Variants in CFTR observed in about 807,000 individuals in gnomAD.
The protein encoded by CFTR is CF transmembrane conductance regulator.
In CFTR, 181 loss-of-function variants were observed where a neutral mutation model predicts 171.6. The ratio of observed to expected loss-of-function variants is 1.05; its 90% confidence interval spans 0.93 to 1.19. CFTR has a LOEUF of 1.19. Ranked by LOEUF, CFTR falls within the 50% of genes most tolerant of loss-of-function variation. The probability of loss-of-function intolerance (pLI) is 0.00; values close to 1 mark genes in which losing one functional copy is unlikely to be tolerated. For synonymous variants in CFTR, 583 were observed against 608.0 expected (o/e 0.96, Z 0.60); for missense variants, 1,968 against 1,734.7 (o/e 1.13, Z -2.39).
rs182395005 is a variant in CFTR, at chr7:117,665,263, G to A, written c.4137-196G>A. 1.7e-4 allele frequency among the ~76,000 whole-genome samples: 26 copies of A among 152,250 alleles called. No homozygotes were observed. The East Asian group carries it at 4.8e-3, about 28-fold the overall frequency. Reference sequence around the variant, plus strand: ...AAAGTTTCTTTGAAATATTTGTCCTGTTTATTTATGGATACTTAGAGTCTA... The same window carrying A: ...AAAGTTTCTTTGAAATATTTGTCCTATTTATTTATGGATACTTAGAGTCTA... On this transcript the variant is annotated intron_variant, in intron 25 of 26. Transcript: ENST00000003084.
chr7:117,645,281 T>C (rs2116177106), intron 23 of CFTR, among the ~76,000 whole-genome samples: 1 of 152,342 alleles, frequency 6.6e-6, no homozygotes, highest in African/African-American at 2.4e-5. Context: ...TGATAACTTC[T>C]GTGGTTACAT....
At position 117,503,303 on chromosome 7, in the gene CFTR, A is replaced by G. The variant is rs1185161627; in HGVS notation, c.54-950A>G. On this transcript the variant is annotated intron_variant, in intron 1 of 26. Coordinates refer to ENST00000003084, the MANE Select transcript of CFTR (RefSeq NM_000492.4). The stretch of plus-strand genomic sequence containing the variant: ...GAGAAAAGAAAGATGCTGAGGGAAA[A>G]AGCATAGGTTTGGGACTCACTAAAT... Among the ~76,000 whole-genome samples, 3 of 152,196 alleles carry G rather than the reference A, an allele frequency of 2.0e-5. No homozygotes were observed. In the East Asian group the frequency reaches 5.8e-4, roughly 29 times the overall value.
chr7:117,653,871 A>G (rs1313686096), intron 24 of CFTR, among the ~76,000 whole-genome samples: 4 of 152,210 alleles, frequency 2.6e-5, no homozygotes, highest in Non-Finnish European at 5.9e-5. Context: ...CTCTCCAACT[A>G]TGAAATTGTG....
Position 117,665,433 on chromosome 7 carries a change from T to C in CFTR, c.4137-26T>C. 4 of 1,234,678 alleles carry C rather than the reference T, an allele frequency of 3.2e-6. No individual in the cohort carries two copies. The South Asian group carries it at 4.8e-5, about 15-fold the overall frequency. The allele number at this position is 1,234,678 out of a possible 1,614,324, so 76.5% of individuals were successfully genotyped here. On this transcript the variant is annotated intron_variant, in intron 25 of 26. Coordinates refer to ENST00000003084, the MANE Select transcript of CFTR (RefSeq NM_000492.4). ...AGATCATTACTGTTCTGTGATATTA[T>C]GTGTGGTATTTTCTTTCTTTTCTAG...
chr7:117,586,212 A>G (rs1413380634), intron 11 of CFTR: 2 of 152,184 alleles, frequency 1.3e-5, no homozygotes, highest in African/African-American at 2.4e-5. Context: ...TGAGTTGAAC[A>G]AAAGCATGCT....
intron 24 of CFTR, among the ~76,000 whole-genome samples, chr7:117,662,411 G>A (rs989506735): frequency 1.3e-5 from 2 of 152,128 alleles, no homozygotes; most frequent in African/African-American, 2.4e-5. Flanking sequence ...CTAGGTGCCT[G>A]GTTGAATGGC....
chr7:117,539,763 T>C (rs1176580879), intron 7 of CFTR, among the ~76,000 whole-genome samples: 1 of 151,904 alleles, frequency 6.6e-6, no homozygotes, highest in Non-Finnish European at 1.5e-5. Flanking sequence ...TATTACAAGT[T>C]AATAATGAAG....
At chr7:117,540,593 T>C (rs1300109940) in intron 8 of CFTR, among the ~76,000 whole-genome samples, 2 of 152,356 alleles carry the variant, frequency 1.3e-5, no homozygotes, top group Admixed American at 6.5e-5. Context: ...ATAATACTGA[T>C]GTAGCTAGCA....
chr7:117,613,011 C>T (rs546048699), intron 20 of CFTR, among the ~76,000 whole-genome samples: 14 of 152,234 alleles, frequency 9.2e-5, no homozygotes, highest in African/African-American at 3.4e-4. Context: ...GCAGTCTACT[C>T]TGCTGCTATG....
chr7:117,628,399 T>G (rs1792688799), intron 22 of CFTR, among the ~76,000 whole-genome samples: 1 of 152,210 alleles, frequency 6.6e-6, no homozygotes, highest in Non-Finnish European at 1.5e-5. Flanking sequence ...ATTATCCATA[T>G]ACTTCAGGCT....
Position 117,548,662 on chromosome 7 carries a change from A to G in CFTR, c.1231A>G (p.Lys411Glu), listed in dbSNP as rs748155731. 60 of 1,613,192 alleles carry G rather than the reference A, an allele frequency of 3.7e-5. No homozygotes were observed. The East Asian group carries it at 1.3e-3, about 36-fold the overall frequency. ...WEEGFGELFEKAKQNNNNRKT... is the reference protein window; with the variant it reads ...WEEGFGELFEEAKQNNNNRKT... ...ACAGGGATTTGGGGAATTATTTGAG[A>G]AAGCAAAACAAAACAATAACAATAG... is the stretch of plus-strand genomic sequence containing the variant. The change falls in exon 10 of 27, where the codon AAA becomes GAA. Residue 411 changes from lysine (K) to glutamate (E), a missense_variant. Lys to Glu is a moderately conservative substitution (Grantham distance 56, BLOSUM62 1). Coordinates refer to ENST00000003084, the MANE Select transcript of CFTR (RefSeq NM_000492.4).
At chr7:117,513,730 C>G (rs1388112122) in intron 3 of CFTR, among the ~76,000 whole-genome samples, 1 of 152,152 alleles carries the variant, frequency 6.6e-6, no homozygotes, top group African/African-American at 2.4e-5. Flanking sequence ...GGACTGCTAT[C>G]TCCAGCAAAT....
At chr7:117,610,730 C>A in intron 19 of CFTR, 61 bp downstream of exon 19, 1 of 1,570,584 alleles carries the variant, frequency 6.4e-7, no homozygotes, top group Non-Finnish European at 8.7e-7. Flanking sequence ...ATTTGAGATT[C>A]TTTATTGTTA....
intron 10 of CFTR, among the ~76,000 whole-genome samples, chr7:117,556,361 C>T: frequency 6.6e-6 from 1 of 151,780 alleles, no homozygotes; most frequent in East Asian, 1.9e-4. Context: ...CTGTGCACAG[C>T]CATTAATATT....
chr7:117,600,564 A>G lies in CFTR; in HGVS notation c.2620-2262A>G, dbSNP rs958549191. On this transcript the variant is annotated intron_variant, in intron 15 of 26. Transcript: ENST00000003084. ...TGGCTTTACATTATTAGTACAGTAG[A>G]TATGTAGTATATTCCCATAATACCA... Among the ~76,000 whole-genome samples the G allele has an allele frequency of 5.3e-5, 8 of 151,940 alleles. 1 individual carries two copies. The South Asian group carries it at 8.3e-4, about 16-fold the overall frequency.
intron 15 of CFTR, among the ~76,000 whole-genome samples, chr7:117,600,042 A>AT (rs922459099): frequency 3.4e-4 from 52 of 151,598 alleles, no homozygotes; most frequent in Non-Finnish European, 5.6e-4. Context: ...TTCAATTTAG[A>AT]TTTTTTTTTA....
chr7:117,580,104 T>C (rs1666325186), intron 11 of CFTR, among the ~76,000 whole-genome samples: 1 of 152,014 alleles, frequency 6.6e-6, no homozygotes, highest in African/African-American at 2.4e-5. Flanking sequence ...AATGATTTCA[T>C]GAAATGTTAA....
intron 21 of CFTR, among the ~76,000 whole-genome samples, chr7:117,620,024 C>T (rs747096611): frequency 3.9e-5 from 6 of 152,132 alleles, no homozygotes; most frequent in Non-Finnish European, 8.8e-5. Context: ...TTTTCTTGTA[C>T]TGAAAGTAGT....
intron 24 of CFTR, among the ~76,000 whole-genome samples, chr7:117,654,275 C>A (rs77434994): frequency 2.0e-5 from 3 of 152,148 alleles, no homozygotes; most frequent in Non-Finnish European, 1.5e-5. Flanking sequence ...GGTGACCTCA[C>A]CCCTGGGCCT....
Sources: gnomAD v4.1 joint callset for allele counts (sites outside exome capture counted in the v4.1 genomes callset) on GRCh38, gnomAD v4.1.1 for gene constraint, MANE v1.5 for transcripts, NCBI Gene and HGNC (gene_info 2026-07-23, HGNC 2026-07-21) for gene names.